SIPA1L1: variants seen among roughly 807,000 people sequenced by gnomAD.
SIPA1L1 encodes signal induced proliferation associated 1 like 1.
Under a neutral mutation model 162.7 loss-of-function variants are expected in SIPA1L1, and 26 were observed. The observed-to-expected ratio is 0.16, with a 90% CI of 0.12 to 0.22. The LOEUF (loss-of-function observed/expected upper bound fraction) is 0.22. SIPA1L1 is among the 10% of genes least tolerant of loss of function. The pLI is 1.00. For missense variants in SIPA1L1, 1,874 were observed against 2,241.0 expected (o/e 0.84, Z 3.31); for synonymous variants, 829 against 837.4 (o/e 0.99, Z 0.17).
chr14:71,669,840 A>G (rs2044348326), intron 10 of SIPA1L1, among the ~76,000 whole-genome samples: 1 of 152,100 alleles, frequency 6.6e-6, no homozygotes. Flanking sequence ...TTTCCATTCC[A>G]CCAGAAATAT....
chr14:71,348,903 A>C (rs1200915311), intron 2 of SIPA1L1, among the ~76,000 whole-genome samples: 1 of 152,238 alleles, frequency 6.6e-6, no homozygotes, highest in Non-Finnish European at 1.5e-5. Flanking sequence ...AGGATACTGA[A>C]AACTCTACCA....
At chr14:71,543,817 ATG>A (rs1055718232) in intron 4 of SIPA1L1, among the ~76,000 whole-genome samples, 10 of 148,314 alleles carry the variant, frequency 6.7e-5, no homozygotes, top group East Asian at 2.0e-4. Context: ...ATGTATATGT[ATG>A]TGTATATATA....
At chr14:71,511,210 C>T (rs2051121030) in intron 2 of SIPA1L1, among the ~76,000 whole-genome samples, 1 of 152,092 alleles carries the variant, frequency 6.6e-6, no homozygotes, top group African/African-American at 2.4e-5. Context: ...AGTCTCTGAC[C>T]TGGGTTCCTG....
chr14:71,604,222 C>T (rs2037210573), intron 5 of SIPA1L1, among the ~76,000 whole-genome samples: 1 of 151,738 alleles, frequency 6.6e-6, no homozygotes. Context: ...TGGTCTTGAA[C>T]TCCTGAGCTC....
chr14:71,708,761 C>T (rs181277436), intron 16 of SIPA1L1, among the ~76,000 whole-genome samples: 68 of 152,290 alleles, frequency 4.5e-4, no homozygotes, highest in African/African-American at 1.5e-3. Context: ...AAGGCTGTCT[C>T]CTAAACAGAG....
At chr14:71,384,536 T>C (rs1399581371) in intron 2 of SIPA1L1, among the ~76,000 whole-genome samples, 1 of 152,192 alleles carries the variant, frequency 6.6e-6, no homozygotes, top group East Asian at 1.9e-4. Context: ...GAGCCTTTTA[T>C]GGCATAGAGA....
At chr14:71,625,076 GTTTA>G (rs1223830475) in intron 7 of SIPA1L1, among the ~76,000 whole-genome samples, 2 of 151,972 alleles carry the variant, frequency 1.3e-5, no homozygotes, top group Admixed American at 6.6e-5. Flanking sequence ...GGTTCAGGTA[GTTTA>G]TTTATTTTTT....
At chr14:71,570,729 T>A (rs2031818883) in intron 4 of SIPA1L1, among the ~76,000 whole-genome samples, 1 of 152,062 alleles carries the variant, frequency 6.6e-6, no homozygotes, top group Admixed American at 6.5e-5. Flanking sequence ...ACATAAAAAA[T>A]TAGTTTATTA....
At chr14:71,546,331 T>C (rs2146043984) in intron 4 of SIPA1L1, among the ~76,000 whole-genome samples, 1 of 152,024 alleles carries the variant, frequency 6.6e-6, no homozygotes, top group South Asian at 2.1e-4. Context: ...ACATAGCTTC[T>C]TCTCTTTTAC....
At chr14:71,671,768 C>T (rs922437585) in intron 11 of SIPA1L1, 76 bp downstream of exon 11, 80 of 1,100,604 alleles carry the variant, frequency 7.3e-5, no homozygotes, top group Non-Finnish European at 1.0e-4. Flanking sequence ...AGCCAAGTTA[C>T]TGAACCTTGT....
chr14:71,466,309 T>C (rs968993114), intron 2 of SIPA1L1, among the ~76,000 whole-genome samples: 4 of 152,182 alleles, frequency 2.6e-5, no homozygotes, highest in Non-Finnish European at 1.5e-5. Context: ...TTGTTTATTT[T>C]TGGCAGAGCA....
intron 2 of SIPA1L1, among the ~76,000 whole-genome samples, chr14:71,335,031 G>A (rs754870748): frequency 7.2e-5 from 11 of 152,294 alleles, no homozygotes; most frequent in Non-Finnish European, 1.3e-4. Flanking sequence ...TGGGCGTGGT[G>A]GCTCACGCCT....
intron 8 of SIPA1L1, among the ~76,000 whole-genome samples, chr14:71,657,691 A>G (rs1010816371): frequency 6.7e-6 from 1 of 148,896 alleles, no homozygotes; most frequent in African/African-American, 2.5e-5. Flanking sequence ...TTTTTTTTTA[A>G]GAACAAAACA....
At chr14:71,321,604 C>T (rs918974558) in intron 2 of SIPA1L1, 2 of 152,292 alleles carry the variant, frequency 1.3e-5, no homozygotes, top group Admixed American at 6.5e-5. Context: ...AGACGAACAG[C>T]TCGGTGCCCG....
chr14:71,394,806 G>A (rs1362367240), intron 2 of SIPA1L1, among the ~76,000 whole-genome samples: 1 of 152,168 alleles, frequency 6.6e-6, no homozygotes, highest in Non-Finnish European at 1.5e-5. Context: ...TACTGACTTC[G>A]CCTGATGGAT....
intron 2 of SIPA1L1, among the ~76,000 whole-genome samples, chr14:71,362,114 T>C (rs2037868314): frequency 6.6e-6 from 1 of 152,142 alleles, no homozygotes; most frequent in East Asian, 1.9e-4. Flanking sequence ...GGGGAAGAGA[T>C]GCTGCTGTGT....
chr14:71,657,183 A>C (rs927670481), intron 8 of SIPA1L1, among the ~76,000 whole-genome samples: 2 of 152,028 alleles, frequency 1.3e-5, no homozygotes, highest in African/African-American at 4.8e-5. Flanking sequence ...CCCCGTCTCT[A>C]CTAAAACTAC....
rs746539168 is a variant in SIPA1L1, at chr14:71,588,011, G to A, written c.139G>A (p.Gly47Arg). The A allele has an allele frequency of 1.2e-6, 2 of 1,614,114 alleles. No homozygotes were observed. The highest frequency in any genetic ancestry group is 1.1e-5 in the South Asian group (1 of 91,088). ...RRFRSQNGSLGSSVMAPVGPP... is the reference protein window; with the variant it reads ...RRFRSQNGSLRSSVMAPVGPP... ...CTTCCGGTCCCAAAATGGCAGCTTA[G>A]GATCATCAGTTATGGCTCCTGTAGG... The change falls in exon 5 of 24, where the codon GGA (glycine) becomes AGA (arginine). Residue 47 changes from glycine (G) to arginine (R), a missense_variant. Physicochemically the swap from Gly to Arg is moderately radical, Grantham distance 125 (BLOSUM62 -2). This residue lies in a region of SIPA1L1 where 685 missense variants were observed against 828.0 expected (regional missense o/e 0.83). Transcript: ENST00000381232. This position sits in a 1 kb window ranked among gnomAD's most constrained non-coding sequence, Gnocchi z 4.3.
intron 5 of SIPA1L1, among the ~76,000 whole-genome samples, chr14:71,616,151 C>G (rs2038811140): frequency 6.6e-6 from 1 of 152,120 alleles, no homozygotes. Flanking sequence ...GGGAGGAAAA[C>G]TGAGCTAGAA....
Sources: allele counts gnomAD v4.1 joint callset (sites outside exome capture counted in the v4.1 genomes callset), GRCh38; gene constraint gnomAD v4.1.1; regional missense constraint gnomAD v4.1.1; non-coding constraint Gnocchi (gnomAD v3.1); transcripts MANE v1.5; gene names NCBI Gene and HGNC (gene_info 2026-07-23, HGNC 2026-07-21).